SYNE3: variants seen among roughly 807,000 people sequenced by gnomAD.
The protein encoded by SYNE3 is nesprin-3.
Under a neutral mutation model 111.2 loss-of-function variants are expected in SYNE3, and 100 were observed. That is an observed-to-expected ratio of 0.90 (90% CI 0.77 to 1.06). The LOEUF (loss-of-function observed/expected upper bound fraction) is 1.06. Ranked by LOEUF, SYNE3 falls within the 50% of genes least tolerant of loss-of-function variation. The probability of loss-of-function intolerance (pLI) is 0.00; values close to 1 mark genes in which losing one functional copy is unlikely to be tolerated. For synonymous variants in SYNE3, 547 were observed against 533.9 expected (o/e 1.02, Z -0.34); for missense variants, 1,160 against 1,240.3 (o/e 0.94, Z 0.97).
At chr14:95,453,934 G>A (rs1887247731) in intron 6 of SYNE3, among the ~76,000 whole-genome samples, 1 of 152,248 alleles carries the variant, frequency 6.6e-6, no homozygotes, top group South Asian at 2.1e-4. Context: ...GCTCTGACAT[G>A]CCATGCTGGG....
rs534691280 is a variant in SYNE3 at position 95,513,842 on chromosome 14, C to T, written c.-15+2754G>A. Among the ~76,000 whole-genome samples the T allele has an allele frequency of 2.0e-5, 3 of 148,958 alleles. No individual in the cohort carries two copies. In the East Asian group the frequency reaches 6.0e-4, roughly 30 times the overall value. On this transcript the variant is annotated intron_variant, in intron 1 of 17. Coordinates refer to ENST00000682763, the MANE Select transcript of SYNE3 (RefSeq NM_152592.6). Reference sequence around the variant, plus strand: ...AGACAAGCATCCTGTCCGGTCAGTACTGTTTTCCCAGTGATGAACGTACAA... The same window carrying T: ...AGACAAGCATCCTGTCCGGTCAGTATTGTTTTCCCAGTGATGAACGTACAA...
intron 4 of SYNE3, among the ~76,000 whole-genome samples, chr14:95,461,997 G>A (rs2012192): frequency 0.26 from 39,777 of 152,104 alleles, 5,635 homozygotes; most frequent in East Asian, 0.45. Context: ...CTGATGAGGA[G>A]CTTAGGATTG....
chr14:95,436,994 A>G lies in SYNE3; in HGVS notation c.2377-13T>C. The G allele has an allele frequency of 6.2e-7, 1 of 1,614,122 alleles. No homozygotes were observed. The highest frequency in any genetic ancestry group is 1.1e-5 in the South Asian group (1 of 91,072). On this transcript the variant is annotated splice_polypyrimidine_tract_variant and intron_variant, in intron 14 of 17. Coordinates refer to ENST00000682763, the MANE Select transcript of SYNE3 (RefSeq NM_152592.6). ...GTAGAAGATTTGCCTGTAGGATCAC[A>G]CACGGCCAAAGCGTCAGAGGTGAAA...
chr14:95,485,863 T>G lies in SYNE3; in HGVS notation c.-14-10028A>C, dbSNP rs1024488688. On this transcript the variant is annotated intron_variant, in intron 1 of 17. Coordinates refer to ENST00000682763, the MANE Select transcript of SYNE3 (RefSeq NM_152592.6). This position sits in a 1 kb window ranked among gnomAD's most constrained non-coding sequence, Gnocchi z 4.3. ...CCTTCGTGGAGCTCAGCACCTGCTCTGAGTCAATATTAATGAATGCAACTT... is the reference window on the plus strand; with the variant it reads ...CCTTCGTGGAGCTCAGCACCTGCTCGGAGTCAATATTAATGAATGCAACTT... Among the ~76,000 whole-genome samples the G allele has an allele frequency of 1.3e-5, 2 of 152,158 alleles. No individual in the cohort carries two copies. The highest frequency in any genetic ancestry group is 4.8e-5 in the African/African-American group (2 of 41,408).
chr14:95,437,781 T>G (rs1886178032), intron 14 of SYNE3: 2 of 152,242 alleles, frequency 1.3e-5, no homozygotes, highest in African/African-American at 2.4e-5. Context: ...GGGAAAGTGA[T>G]GGGTAAAACA....
intron 1 of SYNE3, among the ~76,000 whole-genome samples, chr14:95,510,334 G>C (rs368404873): frequency 1.3e-5 from 2 of 152,156 alleles, no homozygotes; most frequent in Non-Finnish European, 1.5e-5. Flanking sequence ...CACTGCCCAG[G>C]GGAGCATCCA....
At chr14:95,497,743 A>G (rs955640672) in intron 1 of SYNE3, among the ~76,000 whole-genome samples, 1 of 150,398 alleles carries the variant, frequency 6.6e-6, no homozygotes, top group African/African-American at 2.5e-5. Flanking sequence ...TAGCATGTAA[A>G]TAAATGAGCA....
At chr14:95,481,606 A>G (rs1185555550) in intron 1 of SYNE3, among the ~76,000 whole-genome samples, 1 of 152,112 alleles carries the variant, frequency 6.6e-6, no homozygotes, top group Non-Finnish European at 1.5e-5. Context: ...CCGACTACTT[A>G]CCTCTGGTCC....
At position 95,439,263 on chromosome 14, in the gene SYNE3, G is replaced by C. The variant is rs1047493678; in HGVS notation, c.2247-101C>G. 2.3e-5 allele frequency: 36 copies of C among 1,538,120 alleles called. 1 individual carries two copies. In the Middle Eastern group the frequency reaches 7.4e-4, roughly 32 times the overall value. ...TTGGGGAACCACGGGTCACGAGTCA[G>C]TGCCCCCCACTGAAGTTTGTGAGAA... is the stretch of plus-strand genomic sequence containing the variant. On this transcript the variant is annotated intron_variant, in intron 13 of 17. Coordinates refer to ENST00000682763, the MANE Select transcript of SYNE3 (RefSeq NM_152592.6).
intron 1 of SYNE3, among the ~76,000 whole-genome samples, chr14:95,499,135 T>C (rs12879649): frequency 6.6e-6 from 1 of 151,924 alleles, no homozygotes; most frequent in Non-Finnish European, 1.5e-5. Flanking sequence ...AGCCAAATCC[T>C]TTCCTGGATC....
chr14:95,514,010 C>A (rs535610534), intron 1 of SYNE3, among the ~76,000 whole-genome samples: 2 of 151,850 alleles, frequency 1.3e-5, no homozygotes, highest in East Asian at 1.9e-4. Flanking sequence ...GCAATGACAG[C>A]CTTGCCTACT....
Position 95,417,653 on chromosome 14 carries a change from A to G in SYNE3, c.*173T>C. On this transcript the variant is annotated 3_prime_UTR_variant, in exon 18 of 18. Transcript: ENST00000682763. Reference sequence around the variant, plus strand: ...ACATTTAGTATAAATAGACTAAGACAACACTGTATAAAAAGTAAGTGTCTT... The same window carrying G: ...ACATTTAGTATAAATAGACTAAGACGACACTGTATAAAAAGTAAGTGTCTT... 1.5e-6 allele frequency: 1 copy of G among 676,148 alleles called. No homozygotes were observed. Among genetic ancestry groups the G allele is most frequent in the Non-Finnish European group, 2.7e-6 (1 of 376,278 alleles). The allele number at this position is 676,148 out of a possible 1,614,324, so 41.9% of individuals were successfully genotyped here. A position where few individuals can be genotyped will look rare whatever the true frequency, so the allele number is the denominator to read the frequency against.
At chr14:95,428,392 T>G (rs1431893163) in intron 17 of SYNE3, among the ~76,000 whole-genome samples, 1 of 152,182 alleles carries the variant, frequency 6.6e-6, no homozygotes, top group Admixed American at 6.6e-5. Context: ...TACATTGTAA[T>G]AAGACACCCG....
intron 1 of SYNE3, among the ~76,000 whole-genome samples, chr14:95,510,736 C>T (rs748324262): frequency 2.6e-5 from 4 of 151,944 alleles, no homozygotes; most frequent in African/African-American, 7.3e-5. Context: ...GGCAGTGAGC[C>T]GAGATTGCAC....
At chr14:95,463,242 G>T (rs1370674204) in intron 4 of SYNE3, among the ~76,000 whole-genome samples, 1 of 152,188 alleles carries the variant, frequency 6.6e-6, no homozygotes, top group Non-Finnish European at 1.5e-5. Flanking sequence ...GACAGGAAAA[G>T]GTTAGAAAAA....
intron 8 of SYNE3, among the ~76,000 whole-genome samples, chr14:95,448,745 G>A (rs905269861): frequency 4.6e-5 from 7 of 152,144 alleles, no homozygotes. Flanking sequence ...AGCCCCAAGC[G>A]GAAAATCACA....
At chr14:95,437,113 G>A (rs1384749480) in intron 14 of SYNE3, 132 bp from the exon 15 acceptor site, 4 of 999,052 alleles carry the variant, frequency 4.0e-6, no homozygotes, top group Non-Finnish European at 5.9e-6. Flanking sequence ...GAGAGGCCTG[G>A]GGGATGAACA....
intron 4 of SYNE3, 141 bp from the exon 5 acceptor site, chr14:95,457,479 T>A: frequency 2.3e-6 from 2 of 876,766 alleles, no homozygotes; most frequent in Non-Finnish European, 3.5e-6. Context: ...TAGCCCTTTC[T>A]CTAGACACAA....
chr14:95,466,045 G>A lies in SYNE3; in HGVS notation c.513C>T (p.Asp171=), dbSNP rs772987700. 1.9e-6 allele frequency: 3 copies of A among 1,613,142 alleles called. No homozygotes were observed. Among genetic ancestry groups the A allele is most frequent in the Non-Finnish European group, 2.5e-6 (3 of 1,179,148 alleles). The part of the protein sequence containing the change: ...HNVDNQAVLL[D]RLLEEAASLF... ...GGGAGGCTGCCTCCTCCAGCAGCCG[G>A]TCCAGGAGCACCGCCTGGTTGTCCA... Residue 171 remains aspartate (D), a synonymous_variant, in exon 4 of 18, where the codon GAC becomes GAT. Transcript: ENST00000682763.
Sources: allele counts gnomAD v4.1 joint callset (sites outside exome capture counted in the v4.1 genomes callset), GRCh38; gene constraint gnomAD v4.1.1; non-coding constraint Gnocchi (gnomAD v3.1); transcripts MANE v1.5; gene names NCBI Gene and HGNC (gene_info 2026-07-23, HGNC 2026-07-21).